The following SYNE1 variants were observed in gnomAD, a reference collection of about 807,000 sequenced individuals.
The protein encoded by SYNE1 is nesprin-1.
A neutral mutation model predicts 1,111.0 loss-of-function variants in SYNE1; 616 were observed. The observed-to-expected ratio is 0.55, with a 90% CI of 0.52 to 0.59. The LOEUF is 0.59. Among genes scored for constraint, SYNE1 ranks in the 20% least tolerant of loss-of-function variants. SYNE1 has a pLI of 0.00. For synonymous variants in SYNE1, 3,855 were observed against 3,825.8 expected (o/e 1.01, Z -0.28); for missense variants, 10,006 against 10,417.0 (o/e 0.96, Z 1.72).
In SYNE1 at chr6:152,605,035, AGG is replaced by A. The variant is rs1343910665; in HGVS notation, c.67+23228_67+23229del. Among the ~76,000 whole-genome samples the A allele has an allele frequency of 9.6e-3, 269 of 28,040 alleles. 4 individuals are homozygous for A. Among genetic ancestry groups the A allele is most frequent in the Non-Finnish European group, 0.011 (173 of 15,710 alleles). The allele number at this position is 28,040 out of a possible 152,430, so 18.4% of individuals were successfully genotyped here. A position where few individuals can be genotyped will look rare whatever the true frequency, so the allele number is the denominator to read the frequency against. The stretch of plus-strand genomic sequence containing the variant: ...GAGAGAGAGAGAGAGAGAGAGAGAG[AGG>A]GAGGGAGGGAGGGAGGGAGGGAGGG... On this transcript the variant is annotated intron_variant, in intron 3 of 145. Coordinates refer to ENST00000367255, the MANE Select transcript of SYNE1 (RefSeq NM_182961.4).
At chr6:152,195,808 T>G (rs1487683249) in intron 127 of SYNE1, among the ~76,000 whole-genome samples, 2 of 136,858 alleles carry the variant, frequency 1.5e-5, no homozygotes, top group Admixed American at 1.4e-4. Context: ...CTGTAACCAC[T>G]ACTTGGCTAC....
intron 136 of SYNE1, 118 bp downstream of exon 136, chr6:152,149,359 T>C: frequency 8.1e-7 from 1 of 1,228,160 alleles, no homozygotes; most frequent in South Asian, 1.3e-5. Context: ...AGCTAGGACT[T>C]GAACTCAGGT....
chr6:152,378,655 T>A (rs1256137626), intron 56 of SYNE1, among the ~76,000 whole-genome samples: 1 of 152,204 alleles, frequency 6.6e-6, no homozygotes, highest in Non-Finnish European at 1.5e-5. Flanking sequence ...TCCTGCATCT[T>A]GATGCTGTTC....
intron 93 of SYNE1, among the ~76,000 whole-genome samples, chr6:152,296,553 A>T (rs1477898295): frequency 1.3e-5 from 2 of 152,190 alleles, no homozygotes; most frequent in Non-Finnish European, 2.9e-5. Context: ...AGTGCTAACG[A>T]TGCATATCCT....
chr6:152,316,724 A>T, intron 87 of SYNE1, 125 bp downstream of exon 87: 1 of 1,053,298 alleles, frequency 9.5e-7, no homozygotes, highest in Non-Finnish European at 1.4e-6. Context: ...GGGGTACCTT[A>T]GCATTCTTTT....
chr6:152,406,196 C>A (rs127196), intron 45 of SYNE1, among the ~76,000 whole-genome samples: 63,801 of 151,816 alleles, frequency 0.42, 13,895 homozygotes, highest in East Asian at 0.75. Flanking sequence ...GTCAGGGACT[C>A]TTTGTGGAAG....
At chr6:152,286,331 T>C (rs2094325641) in intron 95 of SYNE1, among the ~76,000 whole-genome samples, 2 of 152,186 alleles carry the variant, frequency 1.3e-5, no homozygotes, top group Admixed American at 6.5e-5. Context: ...TGTTAACTTG[T>C]AAATATCAGG....
chr6:152,149,591 C>A lies in SYNE1; in HGVS notation c.24528G>T (p.Lys8176Asn). Residue 8176 changes from lysine (K) to asparagine (N), a missense_variant, in exon 136 of 146, where the codon AAG becomes AAT. Lys to Asn is a moderately conservative substitution (Grantham distance 94). Around this residue, in one of 7 missense-constraint regions of SYNE1, gnomAD observed 761 missense variants for 795.5 expected, o/e 0.96. Transcript: ENST00000367255. The stretch of plus-strand genomic sequence containing the variant: ...TGATCGCTGCATCCAAGGGCTCACT[C>A]TTTTCTATCAGCTGTTCTCCTTGGG... ...IIAQGEQLIE[K>N]SEPLDAAIIE... The A allele has an allele frequency of 6.2e-7, 1 of 1,614,172 alleles. No individual in the cohort carries two copies. The highest frequency in any genetic ancestry group is 8.5e-7 in the Non-Finnish European group (1 of 1,180,022).
chr6:152,469,270 ACAGTATATGT>A (rs1299189308), intron 16 of SYNE1, among the ~76,000 whole-genome samples: 3 of 152,184 alleles, frequency 2.0e-5, no homozygotes, highest in African/African-American at 7.2e-5. Flanking sequence ...TAGAATAAAA[ACAGTATATGT>A]CAGTCTTTGT....
chr6:152,612,860 C>T (rs558667021), intron 3 of SYNE1, among the ~76,000 whole-genome samples: 6 of 152,148 alleles, frequency 3.9e-5, no homozygotes, highest in Non-Finnish European at 8.8e-5. Flanking sequence ...AATCAGTAAA[C>T]GTAATCCATT....
Position 152,242,449 on chromosome 6 carries a change from CA to C in SYNE1, c.19693-10del. 1 of 1,613,804 alleles carries C rather than the reference CA, an allele frequency of 6.2e-7. No individual in the cohort carries two copies. Among genetic ancestry groups the C allele is most frequent in the Non-Finnish European group, 8.5e-7 (1 of 1,179,932 alleles). ...AGCTCATCATACATGTCCTAAGAAG[CA>C]GAGACCACAAGACTCACTCTCAATT... On this transcript the variant is annotated splice_polypyrimidine_tract_variant and intron_variant, in intron 106 of 145. Coordinates refer to ENST00000367255, the MANE Select transcript of SYNE1 (RefSeq NM_182961.4).
chr6:152,452,303 G>C (rs935660494), intron 25 of SYNE1, among the ~76,000 whole-genome samples: 1 of 142,378 alleles, frequency 7.0e-6, no homozygotes, highest in Admixed American at 6.8e-5. Context: ...AATCCTAGAG[G>C]TGTGTGTGTG....
chr6:152,419,474 T>C, intron 40 of SYNE1, 95 bp downstream of exon 40: 1 of 1,281,558 alleles, frequency 7.8e-7, no homozygotes, highest in Non-Finnish European at 1.1e-6. Context: ...TTCTCACCAT[T>C]TAAACTTTTT....
At chr6:152,281,425 C>T (rs1414990307) in intron 97 of SYNE1, among the ~76,000 whole-genome samples, 3 of 152,156 alleles carry the variant, frequency 2.0e-5, no homozygotes, top group African/African-American at 7.2e-5. Flanking sequence ...GGATTAGAAC[C>T]AAAATTGTAA....
At chr6:152,496,343 C>A (rs924386799) in intron 11 of SYNE1, among the ~76,000 whole-genome samples, 1 of 152,154 alleles carries the variant, frequency 6.6e-6, no homozygotes, top group African/African-American at 2.4e-5. Context: ...TAAAAAAACT[C>A]AAGGATAGAG....
intron 141 of SYNE1, among the ~76,000 whole-genome samples, chr6:152,135,545 C>T (rs1368252849): frequency 1.3e-5 from 2 of 152,246 alleles, no homozygotes; most frequent in Non-Finnish European, 2.9e-5. Context: ...CCTCTCTTCT[C>T]TGTGTAGTCA....
chr6:152,299,068 AT>A (rs1344390165), intron 93 of SYNE1, among the ~76,000 whole-genome samples: 1 of 152,244 alleles, frequency 6.6e-6, no homozygotes, highest in Non-Finnish European at 1.5e-5. Flanking sequence ...ATGTCAAGAA[AT>A]AATAATAGAA....
intron 108 of SYNE1, 22 bp downstream of exon 108, chr6:152,239,511 G>C: frequency 1.9e-6 from 3 of 1,614,112 alleles, no homozygotes; most frequent in Non-Finnish European, 2.5e-6. Context: ...CAGCACAGAA[G>C]ATATGACATC....
intron 128 of SYNE1, among the ~76,000 whole-genome samples, chr6:152,186,553 T>C (rs2070028772): frequency 1.4e-5 from 1 of 72,676 alleles, no homozygotes; most frequent in Non-Finnish European, 2.3e-5. Flanking sequence ...AGCAGCTCTG[T>C]GTCAAAAAAA....
Sources: allele counts gnomAD v4.1 joint callset (sites outside exome capture counted in the v4.1 genomes callset), GRCh38; gene constraint gnomAD v4.1.1; regional missense constraint gnomAD v4.1.1; transcripts MANE v1.5; gene names NCBI Gene and HGNC (gene_info 2026-07-23, HGNC 2026-07-21).